EEPD1: variants seen among roughly 807,000 people sequenced by gnomAD.
EEPD1 encodes the protein endonuclease/exonuclease/phosphatase family domain-containing protein 1.
EEPD1 carries 17 observed loss-of-function variants against 46.3 expected under a neutral mutation model. That is an observed-to-expected ratio of 0.37 (90% CI 0.25 to 0.55). The LOEUF (loss-of-function observed/expected upper bound fraction) is 0.55, where lower values mean the gene tolerates loss of function less well. Among genes scored for constraint, EEPD1 ranks in the 20% least tolerant of loss-of-function variants. The probability of loss-of-function intolerance (pLI) is 0.83; values close to 1 mark genes in which losing one functional copy is unlikely to be tolerated. For missense variants in EEPD1, 673 were observed against 745.6 expected (o/e 0.90, Z 1.13); for synonymous variants, 313 against 315.6 (o/e 0.99, Z 0.09).
At chr7:36,268,594 G>A (rs1452719364) in intron 3 of EEPD1, among the ~76,000 whole-genome samples, 1 of 152,180 alleles carries the variant, frequency 6.6e-6, no homozygotes, top group African/African-American at 2.4e-5. Flanking sequence ...AGCATGCAAT[G>A]CTGGCTCCTG....
At chr7:36,187,513 G>A (rs1325126162) in intron 2 of EEPD1, among the ~76,000 whole-genome samples, 2 of 152,154 alleles carry the variant, frequency 1.3e-5, no homozygotes, top group East Asian at 1.9e-4. Context: ...GTCTTTTTGA[G>A]TGTGGCTTAT....
intron 2 of EEPD1, among the ~76,000 whole-genome samples, chr7:36,163,041 A>G (rs1784925947): frequency 6.6e-6 from 1 of 151,998 alleles, no homozygotes; most frequent in East Asian, 1.9e-4. Flanking sequence ...TCTATCCAAT[A>G]TCCTGTTTAA....
At chr7:36,248,380 T>C (rs1380540755) in intron 3 of EEPD1, among the ~76,000 whole-genome samples, 2 of 151,868 alleles carry the variant, frequency 1.3e-5, no homozygotes, top group Non-Finnish European at 2.9e-5. Flanking sequence ...TAATTTTTTC[T>C]ATTTTTAGTA....
rs764632704 is a variant in EEPD1 at position 36,155,061 on chromosome 7, C to G, written c.737C>G (p.Pro246Arg). The G allele has an allele frequency of 4.3e-5, 69 of 1,595,424 alleles. No individual in the cohort carries two copies. Among genetic ancestry groups the G allele is most frequent in the Non-Finnish European group, 5.9e-5 (69 of 1,169,212 alleles). Reference sequence around the variant, plus strand: ...CCCACCCAGATTATCTCCACTCGGCCGTCCGTGGAGGCCTTTGGAGGCACA... The same window carrying G: ...CCCACCCAGATTATCTCCACTCGGCGGTCCGTGGAGGCCTTTGGAGGCACA... ...GGPTQIISTR[P>R]SVEAFGGTRD... The change falls in exon 2 of 8, where the codon CCG becomes CGG. Residue 246 changes from proline to arginine, a missense_variant. By Grantham distance (103) the Pro-to-Arg change is moderately radical. Transcript: ENST00000242108.
intron 2 of EEPD1, among the ~76,000 whole-genome samples, chr7:36,192,514 T>A (rs371018861): frequency 2.7e-5 from 4 of 149,388 alleles, no homozygotes; most frequent in South Asian, 2.1e-4. Flanking sequence ...TCTCTTTCTT[T>A]AAAAAAAAAA....
intron 2 of EEPD1, among the ~76,000 whole-genome samples, chr7:36,205,880 C>G (rs1382935319): frequency 2.0e-5 from 3 of 152,130 alleles, no homozygotes; most frequent in East Asian, 1.9e-4. Flanking sequence ...CATAGAAACT[C>G]TCTCTCAGAC....
rs370164080 is a variant in EEPD1, at chr7:36,168,757, C to CAAA, written c.878+13566_878+13568dup. 6.1e-4 allele frequency among the ~76,000 whole-genome samples: 80 copies of CAAA among 131,546 alleles called. No homozygotes were observed. In the East Asian group the frequency reaches 7.6e-3, roughly 13 times the overall value. 86.3% of individuals were successfully genotyped at this position (131,546 alleles called of 152,430 possible). ...TGGGCGACAGAGCAAGACTCTGTCT[C>CAAA]AAAAAAAAAAAAAGGTTGGGGGAGG... On this transcript the variant is annotated intron_variant, in intron 2 of 7. Transcript: ENST00000242108.
chr7:36,243,518 G>T (rs1684403992), intron 3 of EEPD1, among the ~76,000 whole-genome samples: 1 of 152,152 alleles, frequency 6.6e-6, no homozygotes, highest in Admixed American at 6.5e-5. Context: ...AGCTTCAAAT[G>T]ACAACCGGCC....
chr7:36,212,127 A>G (rs1450201883), intron 2 of EEPD1, among the ~76,000 whole-genome samples: 1 of 152,216 alleles, frequency 6.6e-6, no homozygotes, highest in Non-Finnish European at 1.5e-5. Flanking sequence ...CCTGCACAGA[A>G]GAAATACATG....
At chr7:36,276,424 C>A (rs1787183947) in intron 3 of EEPD1, among the ~76,000 whole-genome samples, 2 of 152,126 alleles carry the variant, frequency 1.3e-5, no homozygotes, top group South Asian at 4.1e-4. Flanking sequence ...AAACTGGGAT[C>A]CCTAGGAGAG....
At position 36,154,464 on chromosome 7, in the gene EEPD1, A is replaced by T. The variant is rs764278451; in HGVS notation, c.140A>T (p.Glu47Val). 1 of 1,614,166 alleles carries T rather than the reference A, an allele frequency of 6.2e-7. No individual in the cohort carries two copies. Residue 47 changes from glutamate to valine, a missense_variant, in exon 2 of 8, where the codon GAG (glutamate) becomes GTG (valine). Physicochemically the swap from Glu to Val is moderately radical, Grantham distance 121. Transcript: ENST00000242108. The surrounding 1 kb of genome is among the most constrained non-coding windows in gnomAD (Gnocchi z 4.2). ...QERLNINTATEEELMTLPGVT... is the reference protein window; with the variant it reads ...QERLNINTATVEELMTLPGVT... ...CGGCTCAACATCAACACTGCCACGG[A>T]GGAGGAGCTGATGACCCTGCCTGGG...
chr7:36,244,402 T>C (rs196542), intron 3 of EEPD1, among the ~76,000 whole-genome samples: 128,792 of 152,236 alleles, frequency 0.85, 54,982 homozygotes, highest in Non-Finnish European at 0.9. Flanking sequence ...AAAGAAGTAG[T>C]AGTCTTTTAA....
Position 36,287,743 on chromosome 7 carries a change from G to A in EEPD1, c.1281G>A (p.Ala427=), listed in dbSNP as rs774961835. The change falls in exon 6 of 8, where the codon GCG becomes GCA. Residue 427 remains alanine, a synonymous_variant. Transcript: ENST00000242108. The part of the protein sequence containing the change: ...SKNHSDGHRL[A]SFAQTLQETL... ...ATCACAGTGATGGCCACCGGTTGGC[G>A]AGCTTTGCACAGACCCTACAGGAAA... 8.1e-6 allele frequency: 13 copies of A among 1,614,014 alleles called. No homozygotes were observed. Among genetic ancestry groups the A allele is most frequent in the African/African-American group, 8.0e-5 (6 of 74,902 alleles).
At chr7:36,213,265 A>C (rs1300069088) in intron 2 of EEPD1, among the ~76,000 whole-genome samples, 1 of 152,206 alleles carries the variant, frequency 6.6e-6, no homozygotes, top group Non-Finnish European at 1.5e-5. Flanking sequence ...ATTAACTGGC[A>C]CTGGTGGCTT....
At chr7:36,217,789 G>C (rs901349677) in intron 2 of EEPD1, among the ~76,000 whole-genome samples, 2 of 152,176 alleles carry the variant, frequency 1.3e-5, no homozygotes, top group Non-Finnish European at 2.9e-5. Flanking sequence ...AGAGGCCATG[G>C]GCTCTAACAA....
intron 2 of EEPD1, among the ~76,000 whole-genome samples, chr7:36,231,824 G>C (rs1408248213): frequency 6.6e-6 from 1 of 152,174 alleles, no homozygotes; most frequent in Non-Finnish European, 1.5e-5. Context: ...TGGGCTTATT[G>C]CTGCTTCATA....
At chr7:36,209,553 T>G (rs911741203) in intron 2 of EEPD1, among the ~76,000 whole-genome samples, 1 of 152,168 alleles carries the variant, frequency 6.6e-6, no homozygotes, top group African/African-American at 2.4e-5. Context: ...TAGTGTGAAT[T>G]TCTGATCCTT....
chr7:36,292,515 T>C (rs949728991), intron 6 of EEPD1, among the ~76,000 whole-genome samples: 5 of 151,544 alleles, frequency 3.3e-5, no homozygotes, highest in African/African-American at 4.8e-5. Flanking sequence ...CTTTCTCTTC[T>C]TTCTTTTCTT....
intron 2 of EEPD1, among the ~76,000 whole-genome samples, chr7:36,206,707 C>G (rs150894928): frequency 6.6e-6 from 1 of 152,208 alleles, no homozygotes; most frequent in South Asian, 2.1e-4. Context: ...TTTTCACAGG[C>G]CCTTCCAGTT....
Sources: gnomAD v4.1 joint callset for allele counts (sites outside exome capture counted in the v4.1 genomes callset) on GRCh38, gnomAD v4.1.1 for gene constraint, Gnocchi (gnomAD v3.1) non-coding constraint, MANE v1.5 for transcripts, NCBI Gene and HGNC (gene_info 2026-07-23, HGNC 2026-07-21) for gene names.